SLC25A25: variants seen among roughly 807,000 people sequenced by gnomAD.
SLC25A25 encodes the protein mitochondrial adenyl nucleotide antiporter SLC25A25.
SLC25A25 carries 32 observed loss-of-function variants against 57.7 expected under a neutral mutation model. That is an observed-to-expected ratio of 0.55 (90% confidence interval 0.42 to 0.74). SLC25A25 has a LOEUF of 0.74. Ranked by LOEUF, SLC25A25 falls within the 30% of genes least tolerant of loss-of-function variation. The pLI is 0.00. For synonymous variants in SLC25A25, 306 were observed against 291.2 expected (o/e 1.05, Z -0.52); for missense variants, 556 against 701.3 (o/e 0.79, Z 2.34).
intron 1 of SLC25A25, among the ~76,000 whole-genome samples, chr9:128,079,409 C>CAAA (rs375501116): frequency 1.0e-4 from 6 of 59,774 alleles, no homozygotes; most frequent in Non-Finnish European, 1.3e-4. Flanking sequence ...CTGCTGATGC[C>CAAA]AAAAAAAAAA....
At chr9:128,075,912 A>G (rs1247004495) in intron 1 of SLC25A25, among the ~76,000 whole-genome samples, 2 of 152,212 alleles carry the variant, frequency 1.3e-5, no homozygotes, top group Non-Finnish European at 2.9e-5. Flanking sequence ...GAATGATAGA[A>G]ACAAATATTT....
At chr9:128,093,737 GCATCCTTTTC>G (rs1833478550) in intron 1 of SLC25A25, among the ~76,000 whole-genome samples, 1 of 152,228 alleles carries the variant, frequency 6.6e-6, no homozygotes, top group Admixed American at 6.5e-5. Flanking sequence ...GATGCAGCCC[GCATCCTTTTC>G]CAGAACAGTG....
At chr9:128,089,399 G>A (rs560693124) in intron 1 of SLC25A25, among the ~76,000 whole-genome samples, 1 of 152,160 alleles carries the variant, frequency 6.6e-6, no homozygotes, top group African/African-American at 2.4e-5. Context: ...TGCACATAAG[G>A]CTAGTGAAGC....
At chr9:128,087,404 A>G (rs1050679006) in intron 1 of SLC25A25, among the ~76,000 whole-genome samples, 1 of 152,106 alleles carries the variant, frequency 6.6e-6, no homozygotes, top group African/African-American at 2.4e-5. Context: ...TGGAACTACA[A>G]GCATGAGCCA....
intron 1 of SLC25A25, chr9:128,094,344 C>T (rs945280136): frequency 3.9e-5 from 6 of 152,148 alleles, no homozygotes; most frequent in African/African-American, 1.4e-4. Flanking sequence ...AGAAGAAAGC[C>T]ATTACTCTGG....
At chr9:128,092,105 A>G (rs752985634) in intron 1 of SLC25A25, 12 of 1,609,426 alleles carry the variant, frequency 7.5e-6, no homozygotes, top group Non-Finnish European at 1.0e-5. Context: ...GTTGGCCTCA[A>G]GAGGACCTCC....
Position 128,107,145 on chromosome 9 carries a change from C to G in SLC25A25, c.1329C>G (p.Pro443=), listed in dbSNP as rs764372216. The G allele has an allele frequency of 1.2e-6, 2 of 1,614,032 alleles. No homozygotes were observed. The highest frequency in any genetic ancestry group is 2.2e-5 in the South Asian group (2 of 91,088). Residue 443 remains proline (P), a synonymous_variant, in exon 10 of 11, where the codon CCC becomes CCG. Transcript: ENST00000373069. ...SSTCGQLASY[P]LALVRTRMQA... is the part of the protein sequence containing the mutation. ...CCTGTGGCCAGCTGGCCAGCTACCC[C>G]CTGGCCCTAGTCAGGACCCGGATGC... is the stretch of plus-strand genomic sequence containing the variant.
chr9:128,102,131 G>C lies in SLC25A25; in HGVS notation c.512+16G>C. On this transcript the variant is annotated intron_variant, in intron 4 of 10. Transcript: ENST00000373069. The surrounding 1 kb of genome is among the most constrained non-coding windows in gnomAD (Gnocchi z 4.1). ...CTGTCACCTAGTAAGTATCCATGTCGCTCATGACTGCCTCCCTTGACTTCC... is the reference window on the plus strand; with the variant it reads ...CTGTCACCTAGTAAGTATCCATGTCCCTCATGACTGCCTCCCTTGACTTCC... 1 of 1,550,494 alleles carries C rather than the reference G, an allele frequency of 6.4e-7. No homozygotes were observed. The highest frequency in any genetic ancestry group is 8.7e-7 in the Non-Finnish European group (1 of 1,146,932).
chr9:128,076,461 TATTTTTATTTTTA>T lies in SLC25A25; in HGVS notation c.261+7882_261+7894del, dbSNP rs770391969. On this transcript the variant is annotated intron_variant, in intron 1 of 10. Transcript: ENST00000373069. ...TTTTTTTTATTTTTATTTTTATTTT[TATTTTTATTTTTA>T]TTTTTTTTTGAGACAGAGTCTCTCT... is the stretch of plus-strand genomic sequence containing the variant. Among the ~76,000 whole-genome samples, 25 of 137,118 alleles carry T rather than the reference TATTTTTATTTTTA, an allele frequency of 1.8e-4. 1 individual carries two copies. The highest frequency in any genetic ancestry group is 4.1e-4 in the African/African-American group (12 of 29,106). The allele number at this position is 137,118 out of a possible 152,430, so 90.0% of individuals were successfully genotyped here.
rs746022262 is a variant in SLC25A25 at position 128,101,386 on chromosome 9, A to G, written c.466A>G (p.Ile156Val). ...GATATCTGAACAGCAGGCAGAAAAA[A>G]TTCTCAAGAGGTGAGTGCTCAGCCA... is the stretch of plus-strand genomic sequence containing the variant. ...VKISEQQAEK[I>V]LKRIRTGHFW... Residue 156 changes from isoleucine (I) to valine (V), a missense_variant, in exon 3 of 11, where the codon ATT (isoleucine) becomes GTT (valine). Around this residue, in one of 3 missense-constraint regions of SLC25A25, gnomAD observed 248 missense variants for 273.5 expected, o/e 0.91. Coordinates refer to ENST00000373069, the MANE Select transcript of SLC25A25 (RefSeq NM_001330988.2). The surrounding 1 kb of genome is among the most constrained non-coding windows in gnomAD (Gnocchi z 4.9). 218 of 1,614,118 alleles carry G rather than the reference A, an allele frequency of 1.4e-4. No individual in the cohort carries two copies. Among genetic ancestry groups the G allele is most frequent in the Non-Finnish European group, 1.8e-4 (216 of 1,180,060 alleles).
intron 9 of SLC25A25, 21 bp from the exon 10 acceptor site, chr9:128,107,008 C>T: frequency 1.2e-6 from 2 of 1,610,996 alleles, no homozygotes; most frequent in Non-Finnish European, 1.7e-6. Flanking sequence ...GGGCTTATCC[C>T]ATGCTCCCTT....
rs10819358 is a variant in SLC25A25 at position 128,095,582 on chromosome 9, T to C, written c.262-5514T>C. 0.13 allele frequency among the ~76,000 whole-genome samples: 19,085 copies of C among 152,158 alleles called. 1,305 individuals are homozygous for C. Among genetic ancestry groups the C allele is most frequent in the South Asian group, 0.22 (1,078 of 4,818 alleles). On this transcript the variant is annotated intron_variant, in intron 1 of 10. Transcript: ENST00000373069. This position sits in a 1 kb window ranked among gnomAD's most constrained non-coding sequence, Gnocchi z 4.4. ...AGGATGGATGATTTAAAAAACCAAATGCCAATTGAAGTTTATCCAATGAAG... is the reference window on the plus strand; with the variant it reads ...AGGATGGATGATTTAAAAAACCAAACGCCAATTGAAGTTTATCCAATGAAG...
chr9:128,068,411 C>G lies in SLC25A25; in HGVS notation c.92C>G (p.Ser31Cys). The part of the protein sequence containing the change: ...AASSSASSPA[S>C]VGDPCGGAIC... ...TCTTCGTCTGCCTCATCGCCGGCGTCCGTGGGGGACCCCTGCGGCGGCGCT... is the reference window on the plus strand; with the variant it reads ...TCTTCGTCTGCCTCATCGCCGGCGTGCGTGGGGGACCCCTGCGGCGGCGCT... Residue 31 changes from serine to cysteine, a missense_variant, in exon 1 of 11, where the codon TCC (serine) becomes TGC (cysteine). This residue lies in a region of SLC25A25 where 248 missense variants were observed against 273.5 expected (regional missense o/e 0.91). Transcript: ENST00000373069. 6.4e-7 allele frequency: 1 copy of G among 1,559,052 alleles called. No homozygotes were observed.
At chr9:128,081,049 A>G (rs1400984981) in intron 1 of SLC25A25, among the ~76,000 whole-genome samples, 1 of 152,050 alleles carries the variant, frequency 6.6e-6, no homozygotes, top group South Asian at 2.1e-4. Flanking sequence ...TCTCTAACCT[A>G]CAGAAGAAGG....
chr9:128,091,813 G>A, intron 1 of SLC25A25: 1 of 1,544,920 alleles, frequency 6.5e-7, no homozygotes. Flanking sequence ...CGTTGGTACT[G>A]TGGTCACATC....
At chr9:128,074,048 T>TTG (rs959240490) in intron 1 of SLC25A25, among the ~76,000 whole-genome samples, 6 of 150,682 alleles carry the variant, frequency 4.0e-5, no homozygotes, top group African/African-American at 9.8e-5. Context: ...GAAGATTTTT[T>TTG]TGTGTGTGTG....
intron 6 of SLC25A25, among the ~76,000 whole-genome samples, chr9:128,104,688 G>A (rs538083699): frequency 4.5e-4 from 68 of 152,218 alleles, no homozygotes; most frequent in African/African-American, 1.6e-3. Flanking sequence ...AATGCCTGGC[G>A]TGTGCCTTTA....
At position 128,106,135 on chromosome 9, in the gene SLC25A25, T is replaced by C; in HGVS notation, c.937-15T>C. 1 of 1,614,210 alleles carries C rather than the reference T, an allele frequency of 6.2e-7. No homozygotes were observed. Among genetic ancestry groups the C allele is most frequent in the Non-Finnish European group, 8.5e-7 (1 of 1,180,018 alleles). ...CTCTGGGTATATCAGGTGGTTTGTT[T>C]GTTCCTGGTTCTAGATCAAGCGCCT... On this transcript the variant is annotated splice_polypyrimidine_tract_variant and intron_variant, in intron 7 of 10. Coordinates refer to ENST00000373069, the MANE Select transcript of SLC25A25 (RefSeq NM_001330988.2).
chr9:128,089,340 A>G (rs1027096775), intron 1 of SLC25A25, among the ~76,000 whole-genome samples: 10 of 152,174 alleles, frequency 6.6e-5, no homozygotes, highest in Admixed American at 2.0e-4. Flanking sequence ...AACTTTATAT[A>G]TTCTCTAATT....
Sources: allele counts gnomAD v4.1 joint callset (sites outside exome capture counted in the v4.1 genomes callset), GRCh38; gene constraint gnomAD v4.1.1; regional missense constraint gnomAD v4.1.1; non-coding constraint Gnocchi (gnomAD v3.1); transcripts MANE v1.5; gene names NCBI Gene and HGNC (gene_info 2026-07-23, HGNC 2026-07-21).